Variants in RYR3 observed in about 807,000 individuals in gnomAD.
RYR3 encodes ryanodine receptor 3.
In RYR3, 207 loss-of-function variants were observed where a neutral mutation model predicts 584.3. The ratio of observed to expected loss-of-function variants is 0.35; its 90% CI spans 0.32 to 0.40. RYR3 has a LOEUF of 0.40. Among genes scored for constraint, RYR3 ranks in the 10% least tolerant of loss-of-function variants. RYR3 has a pLI of 1.00. For synonymous variants in RYR3, 2,416 were observed against 2,248.5 expected, an observed-to-expected ratio of 1.07 and a Z score of -2.11; for missense variants, 5,616 against 6,089.2, an observed-to-expected ratio of 0.92 and a Z score of 2.59.
chr15:33,333,664 A>G (rs147948925), intron 1 of RYR3, among the ~76,000 whole-genome samples: 144 of 152,254 alleles, frequency 9.5e-4, no homozygotes, highest in African/African-American at 3.4e-3. Context: ...CACCACTCCT[A>G]TTCAGCGTAG....
At chr15:33,617,422 C>T (rs141253511) in intron 19 of RYR3, among the ~76,000 whole-genome samples, 15 of 135,642 alleles carry the variant, frequency 1.1e-4, no homozygotes, top group African/African-American at 4.0e-4. Context: ...AAAAAAAAAA[C>T]GTATTTTATA....
chr15:33,494,659 C>CAA (rs138585277), intron 2 of RYR3, among the ~76,000 whole-genome samples: 2 of 151,580 alleles, frequency 1.3e-5, no homozygotes, highest in African/African-American at 2.4e-5. Context: ...CCCCACCTCC[C>CAA]AGAAAAAAGA....
chr15:33,483,895 C>G (rs1248276562), intron 2 of RYR3, among the ~76,000 whole-genome samples: 1 of 152,100 alleles, frequency 6.6e-6, no homozygotes, highest in African/African-American at 2.4e-5. Context: ...GACATCTATT[C>G]CCCATGGATC....
chr15:33,767,399 T>C (rs889398189), intron 60 of RYR3, among the ~76,000 whole-genome samples: 3 of 152,212 alleles, frequency 2.0e-5, no homozygotes, highest in Non-Finnish European at 4.4e-5. Context: ...TGGTAACTTA[T>C]TGTGTGTTCT....
At chr15:33,765,182 A>ACCC (rs2072908011) in intron 60 of RYR3, among the ~76,000 whole-genome samples, 1 of 152,190 alleles carries the variant, frequency 6.6e-6, no homozygotes, top group African/African-American at 2.4e-5. Context: ...CACTAGGTTA[A>ACCC]CATGTAGATA....
At chr15:33,458,366 T>G (rs1345674446) in intron 1 of RYR3, among the ~76,000 whole-genome samples, 1 of 152,190 alleles carries the variant, frequency 6.6e-6, no homozygotes, top group African/African-American at 2.4e-5. Context: ...TTGTCTGCCC[T>G]TGGACCTTGT....
intron 38 of RYR3, among the ~76,000 whole-genome samples, chr15:33,683,552 G>C (rs1335775706): frequency 6.6e-6 from 1 of 152,210 alleles, no homozygotes; most frequent in African/African-American, 2.4e-5. Flanking sequence ...CTGGTCTGCA[G>C]CTCCCAGCAT....
intron 63 of RYR3, 121 bp from the exon 64 acceptor site, chr15:33,773,413 A>G (rs1221123021): frequency 5.6e-6 from 4 of 717,474 alleles, no homozygotes; most frequent in Non-Finnish European, 9.7e-6. Context: ...ATGTTTGTTG[A>G]GAGAGAAAGG....
At position 33,813,544 on chromosome 15, in the gene RYR3, C is replaced by T. The variant is rs1219051492; in HGVS notation, c.10467C>T (p.Ala3489=). The T allele has an allele frequency of 1.2e-6, 2 of 1,613,854 alleles. No individual in the cohort carries two copies. The highest frequency in any genetic ancestry group is 2.2e-5 in the East Asian group (1 of 44,896). Residue 3489 remains alanine, a synonymous_variant, in exon 74 of 104, where the codon GCC becomes GCT. Coordinates refer to ENST00000634891, the MANE Select transcript of RYR3 (RefSeq NM_001036.6). ...AGCAACGGAAACGGGCAGTGGTGGCCTGTTTCAGGATGGCCCCTCTCTACA... is the reference window on the plus strand; with the variant it reads ...AGCAACGGAAACGGGCAGTGGTGGCTTGTTTCAGGATGGCCCCTCTCTACA... ...LSKQRKRAVV[A]CFRMAPLYNL...
chr15:33,350,350 A>G (rs1248690261), intron 1 of RYR3, among the ~76,000 whole-genome samples: 2 of 152,174 alleles, frequency 1.3e-5, no homozygotes, highest in African/African-American at 2.4e-5. Flanking sequence ...AGACAGATCA[A>G]TGAGACAGAA....
At chr15:33,410,416 G>C (rs910349192) in intron 1 of RYR3, among the ~76,000 whole-genome samples, 1 of 152,186 alleles carries the variant, frequency 6.6e-6, no homozygotes, top group Admixed American at 6.5e-5. Flanking sequence ...TACGTGTCAA[G>C]ATGTTGAAAA....
intron 27 of RYR3, among the ~76,000 whole-genome samples, chr15:33,642,699 G>A (rs941056093): frequency 1.3e-5 from 2 of 152,184 alleles, no homozygotes; most frequent in Non-Finnish European, 2.9e-5. Context: ...AAAGGAGATG[G>A]TTTCATCCAT....
chr15:33,613,284 C>A lies in RYR3; in HGVS notation c.2266C>A (p.Arg756Ser), dbSNP rs376016972. ...LDLGVPSISF[R>S]INGQPVQGMF... ...CCTCGGGGTGCCCAGCATCTCATTC[C>A]GCATCAATGGGCAGCCCGTGCAGGG... Residue 756 changes from arginine to serine, a missense_variant, in exon 19 of 104, where the codon CGC becomes AGC. Around this residue, in one of 9 missense-constraint regions of RYR3, gnomAD observed 1,284 missense variants for 1,344.6 expected, o/e 0.95. Coordinates refer to ENST00000634891, the MANE Select transcript of RYR3 (RefSeq NM_001036.6). 1 of 1,613,824 alleles carries A rather than the reference C, an allele frequency of 6.2e-7. No homozygotes were observed. The highest frequency in any genetic ancestry group is 1.3e-5 in the African/African-American group (1 of 74,916).
In RYR3 at chr15:33,495,579, A is replaced by T. The variant is rs1381054178; in HGVS notation, c.172-8052A>T. Among the ~76,000 whole-genome samples, 10 of 152,258 alleles carry T rather than the reference A, an allele frequency of 6.6e-5. No individual in the cohort carries two copies. The East Asian group carries it at 1.7e-3, about 26-fold the overall frequency. On this transcript the variant is annotated intron_variant, in intron 2 of 103. Transcript: ENST00000634891. ...GGATACATTTAAAATGTATATATGG[A>T]TTCTATTCTTCTTTCTCTACTTGCC...
rs369850562 is a variant in RYR3, at chr15:33,653,585, G to A, written c.4308+702G>A. Among the ~76,000 whole-genome samples the A allele has an allele frequency of 1.3e-3, 201 of 151,800 alleles. 2 individuals are homozygous for A. In the South Asian group the frequency reaches 0.015, roughly 11 times the overall value. ...CTCAGGAGGCTGGGGCAGGAGAATC[G>A]CTTGAACCTGGGAGGCAGAGGTTGC... On this transcript the variant is annotated intron_variant, in intron 32 of 103. Transcript: ENST00000634891.
intron 91 of RYR3, among the ~76,000 whole-genome samples, chr15:33,842,643 G>A (rs2078445682): frequency 6.6e-6 from 1 of 152,140 alleles, no homozygotes; most frequent in Non-Finnish European, 1.5e-5. Context: ...ATTTTTCTGG[G>A]GAAGATGGCA....
rs533284471 is a variant in RYR3, at chr15:33,457,276, G to GGTAT, written c.52-16140_52-16137dup. ...AGAGACCTTGATTCTTCTTGAAATC[G>GGTAT]GTATGTCAAAGAGATATCTGTACTC... On this transcript the variant is annotated intron_variant, in intron 1 of 103. Coordinates refer to ENST00000634891, the MANE Select transcript of RYR3 (RefSeq NM_001036.6). Among the ~76,000 whole-genome samples, 165 of 152,178 alleles carry GGTAT rather than the reference G, an allele frequency of 1.1e-3. No individual in the cohort carries two copies. In the South Asian group the frequency reaches 0.02, roughly 18 times the overall value.
chr15:33,655,170 G>A (rs961096461), intron 32 of RYR3, among the ~76,000 whole-genome samples: 10 of 152,332 alleles, frequency 6.6e-5, no homozygotes, highest in Non-Finnish European at 1.3e-4. Flanking sequence ...TTTCCAGAAA[G>A]ATGCACTCAC....
intron 27 of RYR3, 82 bp from the exon 28 acceptor site, chr15:33,644,229 A>T: frequency 9.4e-7 from 1 of 1,059,112 alleles, no homozygotes; most frequent in Non-Finnish European, 1.4e-6. Flanking sequence ...CAAAGCCCTT[A>T]AGGAAGCAAA....
Sources: gnomAD v4.1 joint callset for allele counts (sites outside exome capture counted in the v4.1 genomes callset) on GRCh38, gnomAD v4.1.1 for gene constraint, gnomAD v4.1.1 regional missense constraint, MANE v1.5 for transcripts, NCBI Gene and HGNC (gene_info 2026-07-23, HGNC 2026-07-21) for gene names.